The following ST8SIA6 variants were observed in gnomAD, a reference collection of about 807,000 sequenced individuals.
ST8SIA6 encodes the protein alpha-2,8-sialyltransferase 8F.
ST8SIA6 carries 39 observed loss-of-function variants against 33.6 expected under a neutral mutation model. The observed-to-expected ratio is 1.16, with a 90% confidence interval of 0.90 to 1.52. ST8SIA6 has a LOEUF of 1.52. ST8SIA6 is among the 40% of genes most tolerant of loss of function. The pLI is 0.00. For missense variants in ST8SIA6, 441 were observed against 443.8 expected, an observed-to-expected ratio of 0.99 and a Z score of 0.06; for synonymous variants, 172 against 167.2, an observed-to-expected ratio of 1.03 and a Z score of -0.22.
At chr10:17,324,331 T>C (rs1588777079) in intron 6 of ST8SIA6, among the ~76,000 whole-genome samples, 1 of 152,056 alleles carries the variant, frequency 6.6e-6, no homozygotes, top group African/African-American at 2.4e-5. Flanking sequence ...CTCATTGATA[T>C]AAAAGCTATG....
In ST8SIA6 at chr10:17,338,722, C is replaced by T. The variant is rs1277570197; in HGVS notation, c.378-7170G>A. Among the ~76,000 whole-genome samples the T allele has an allele frequency of 2.0e-5, 3 of 152,274 alleles. No homozygotes were observed. In the East Asian group the frequency reaches 5.8e-4, roughly 29 times the overall value. On this transcript the variant is annotated intron_variant, in intron 4 of 7. Coordinates refer to ENST00000377602, the MANE Select transcript of ST8SIA6 (RefSeq NM_001004470.3). ...TATGGGAGCAGGATTATCAGGTGACCCGAACAATGCACCCTAAAATAAATT... is the reference window on the plus strand; with the variant it reads ...TATGGGAGCAGGATTATCAGGTGACTCGAACAATGCACCCTAAAATAAATT...
At chr10:17,402,316 T>C (rs1354287526) in intron 2 of ST8SIA6, among the ~76,000 whole-genome samples, 4 of 152,142 alleles carry the variant, frequency 2.6e-5, no homozygotes, top group African/African-American at 9.7e-5. Flanking sequence ...TAGGAACACT[T>C]TTACACTGTT....
intron 2 of ST8SIA6, among the ~76,000 whole-genome samples, chr10:17,393,260 TC>T (rs1850685129): frequency 6.6e-6 from 1 of 152,178 alleles, no homozygotes; most frequent in African/African-American, 2.4e-5. Flanking sequence ...TTCCTGGGGC[TC>T]CAGCTTGGAG....
intron 2 of ST8SIA6, among the ~76,000 whole-genome samples, chr10:17,391,104 C>G (rs1396587674): frequency 6.6e-6 from 1 of 152,020 alleles, no homozygotes; most frequent in East Asian, 1.9e-4. Context: ...ATGATCCATC[C>G]GCATCAGCCT....
At chr10:17,334,264 G>A (rs565298563) in intron 4 of ST8SIA6, among the ~76,000 whole-genome samples, 348 of 151,880 alleles carry the variant, frequency 2.3e-3, no homozygotes, top group African/African-American at 8.1e-3. Flanking sequence ...TACAGGCTGG[G>A]CGCGGTGGCT....
intron 2 of ST8SIA6, among the ~76,000 whole-genome samples, chr10:17,404,609 C>G (rs1160028887): frequency 6.6e-6 from 1 of 152,170 alleles, no homozygotes; most frequent in Non-Finnish European, 1.5e-5. Flanking sequence ...CATCCCTCAC[C>G]ATGCCCTAGG....
intron 4 of ST8SIA6, among the ~76,000 whole-genome samples, chr10:17,357,927 G>C (rs1194933524): frequency 6.6e-6 from 1 of 152,076 alleles, no homozygotes; most frequent in Non-Finnish European, 1.5e-5. Flanking sequence ...ATCAGACTCT[G>C]TTATCACTTG....
At chr10:17,402,400 AC>A (rs1851079572) in intron 2 of ST8SIA6, among the ~76,000 whole-genome samples, 1 of 152,200 alleles carries the variant, frequency 6.6e-6, no homozygotes, top group Non-Finnish European at 1.5e-5. Flanking sequence ...AACTAGAAAT[AC>A]CATTTGACCC....
At position 17,365,050 on chromosome 10, in the gene ST8SIA6, T is replaced by C. The variant is rs868372930; in HGVS notation, c.291-5450A>G. The stretch of plus-strand genomic sequence containing the variant: ...ATATATCATATTGTATCTCATCTAT[T>C]TTCATAATGAAATTGAAAATTAATC... On this transcript the variant is annotated intron_variant, in intron 3 of 7. Coordinates refer to ENST00000377602, the MANE Select transcript of ST8SIA6 (RefSeq NM_001004470.3). 5.9e-5 allele frequency among the ~76,000 whole-genome samples: 9 copies of C among 152,232 alleles called. No homozygotes were observed. The South Asian group carries it at 1.7e-3, about 28-fold the overall frequency.
chr10:17,435,592 GT>G (rs1852226178), intron 2 of ST8SIA6, among the ~76,000 whole-genome samples: 1 of 150,962 alleles, frequency 6.6e-6, no homozygotes. Context: ...AACTTCCTTG[GT>G]TCTATTCAGC....
intron 2 of ST8SIA6, among the ~76,000 whole-genome samples, chr10:17,398,713 A>G (rs1445519887): frequency 6.6e-6 from 1 of 152,246 alleles, no homozygotes; most frequent in Admixed American, 6.5e-5. Context: ...ATCAAAGAAC[A>G]GAAAGCCCAA....
chr10:17,378,278 A>G (rs1326175686), intron 3 of ST8SIA6, among the ~76,000 whole-genome samples: 2 of 152,240 alleles, frequency 1.3e-5, no homozygotes, highest in Admixed American at 1.3e-4. Context: ...TTCCATGATT[A>G]GAGAATTTTC....
At chr10:17,448,628 G>GTTGTTGT (rs371422004) in intron 2 of ST8SIA6, among the ~76,000 whole-genome samples, 24 of 151,406 alleles carry the variant, frequency 1.6e-4, no homozygotes, top group African/African-American at 3.7e-4. Flanking sequence ...TGTTGTTGTT[G>GTTGTTGT]TTTTTGAGAC....
At chr10:17,430,574 AT>A (rs201069830) in intron 2 of ST8SIA6, among the ~76,000 whole-genome samples, 2 of 151,862 alleles carry the variant, frequency 1.3e-5, no homozygotes, top group East Asian at 1.9e-4. Context: ...AATAATGTCC[AT>A]TTTTTTTGCC....
At chr10:17,390,248 A>G (rs993235848) in intron 3 of ST8SIA6, among the ~76,000 whole-genome samples, 6 of 152,080 alleles carry the variant, frequency 3.9e-5, no homozygotes, top group Non-Finnish European at 7.4e-5. Context: ...CTCCCCAAGC[A>G]CTGGGATTAC....
chr10:17,429,687 G>A (rs944127903), intron 2 of ST8SIA6, among the ~76,000 whole-genome samples: 4 of 151,906 alleles, frequency 2.6e-5, no homozygotes, highest in African/African-American at 9.7e-5. Flanking sequence ...GTCTCACTAT[G>A]TTGCCCAGGC....
rs79930652 is a variant in ST8SIA6, at chr10:17,432,038, C to G, written c.200+21521G>C. Among the ~76,000 whole-genome samples the G allele has an allele frequency of 1.6e-3, 248 of 150,852 alleles. 2 individuals carry two copies. The East Asian group carries it at 0.046, about 28-fold the overall frequency. ...CCGAAAACCGGAAGCAAGAAGTAGA[C>G]TAGGTGGGTATCTGGGGGATGCTCA... is the stretch of plus-strand genomic sequence containing the variant. On this transcript the variant is annotated intron_variant, in intron 2 of 7. Transcript: ENST00000377602.
intron 4 of ST8SIA6, among the ~76,000 whole-genome samples, chr10:17,332,310 G>A (rs796126484): frequency 1.3e-5 from 2 of 152,236 alleles, no homozygotes; most frequent in African/African-American, 4.8e-5. Flanking sequence ...TATATACCCA[G>A]TAATGGGATT....
chr10:17,426,774 G>A (rs1231517085), intron 2 of ST8SIA6, among the ~76,000 whole-genome samples: 1 of 152,180 alleles, frequency 6.6e-6, no homozygotes, highest in Non-Finnish European at 1.5e-5. Flanking sequence ...TGGATCTACT[G>A]GCAGAAAGAC....
Sources: gnomAD v4.1 joint callset for allele counts (sites outside exome capture counted in the v4.1 genomes callset) on GRCh38, gnomAD v4.1.1 for gene constraint, MANE v1.5 for transcripts, NCBI Gene and HGNC (gene_info 2026-07-23, HGNC 2026-07-21) for gene names.